The following PPP2R2D variants were observed in gnomAD, a reference collection of about 807,000 sequenced individuals.
PPP2R2D encodes serine/threonine-protein phosphatase 2A 55 kDa regulatory subunit B delta isoform.
A neutral mutation model predicts 31.1 loss-of-function variants in PPP2R2D; 9 were observed. That is an observed-to-expected ratio of 0.29 (90% CI 0.17 to 0.51). The LOEUF is 0.51. Ranked by LOEUF, PPP2R2D falls within the 20% of genes least tolerant of loss-of-function variation. The probability of loss-of-function intolerance (pLI) is 0.98; values close to 1 mark genes in which losing one functional copy is unlikely to be tolerated. For synonymous variants in PPP2R2D, 179 were observed against 172.6 expected, an observed-to-expected ratio of 1.04 and a Z score of -0.29; for missense variants, 391 against 465.6, an observed-to-expected ratio of 0.84 and a Z score of 1.48.
At chr10:131,930,055 G>A (rs543701190) in intron 2 of PPP2R2D, among the ~76,000 whole-genome samples, 1 of 152,310 alleles carries the variant, frequency 6.6e-6, no homozygotes, top group East Asian at 1.9e-4. Context: ...CACAAAAAAA[G>A]AGGTTGAAAG....
At chr10:131,933,066 G>A in intron 2 of PPP2R2D, among the ~76,000 whole-genome samples, 1 of 152,138 alleles carries the variant, frequency 6.6e-6, no homozygotes, top group African/African-American at 2.4e-5. Context: ...TTTCATTTAA[G>A]CAAGTTAGGT....
At position 131,917,400 on chromosome 10, in the gene PPP2R2D, G is replaced by A. The variant is rs547900586; in HGVS notation, c.100+16070G>A. 5.2e-5 allele frequency among the ~76,000 whole-genome samples: 7 copies of A among 134,444 alleles called. 1 individual carries two copies. The South Asian group carries it at 1.6e-3, about 32-fold the overall frequency. 88.2% of individuals were successfully genotyped at this position (134,444 alleles called of 152,430 possible). ...TGACACAGTGTAGGGACCTCAGTCGGGTGGAATGACAGTGTTTGTAGGGAC... is the reference window on the plus strand; with the variant it reads ...TGACACAGTGTAGGGACCTCAGTCGAGTGGAATGACAGTGTTTGTAGGGAC... On this transcript the variant is annotated intron_variant, in intron 2 of 8. Transcript: ENST00000455566.
At chr10:131,915,544 C>T (rs1464317176) in intron 2 of PPP2R2D, among the ~76,000 whole-genome samples, 1 of 152,246 alleles carries the variant, frequency 6.6e-6, no homozygotes, top group African/African-American at 2.4e-5. Context: ...CTCCCCAACT[C>T]CGTTGCCCGC....
chr10:131,928,374 G>C (rs1045135102), intron 2 of PPP2R2D, among the ~76,000 whole-genome samples: 1 of 152,224 alleles, frequency 6.6e-6, no homozygotes, highest in Admixed American at 6.5e-5. Flanking sequence ...ACCCACTCCA[G>C]AACTAGCCGA....
chr10:131,919,794 G>A (rs2035929859), intron 2 of PPP2R2D, among the ~76,000 whole-genome samples: 1 of 141,042 alleles, frequency 7.1e-6, no homozygotes, highest in Admixed American at 7.0e-5. Context: ...GAATGACACA[G>A]TGTAGGGACC....
intron 5 of PPP2R2D, among the ~76,000 whole-genome samples, chr10:131,941,979 C>T (rs1358462960): frequency 1.3e-5 from 2 of 152,296 alleles, no homozygotes; most frequent in East Asian, 1.9e-4. Context: ...ACAGTGCTGC[C>T]GCCTTTGCAC....
At chr10:131,925,451 T>G (rs1426409736) in intron 2 of PPP2R2D, among the ~76,000 whole-genome samples, 1 of 152,228 alleles carries the variant, frequency 6.6e-6, no homozygotes, top group Non-Finnish European at 1.5e-5. Flanking sequence ...TTACATTGAT[T>G]TGTTTTTGTA....
At chr10:131,931,570 A>C (rs920739516) in intron 2 of PPP2R2D, among the ~76,000 whole-genome samples, 2 of 151,976 alleles carry the variant, frequency 1.3e-5, no homozygotes, top group Non-Finnish European at 2.9e-5. Context: ...CTGGTCTCGA[A>C]CTCCTGACCT....
intron 3 of PPP2R2D, chr10:131,939,802 A>G (rs917192735): frequency 6.6e-6 from 2 of 302,072 alleles, no homozygotes; most frequent in African/African-American, 2.2e-5. Flanking sequence ...GCAAGGCTGC[A>G]TTCGGCAGAC....
At chr10:131,908,831 C>T (rs2035639855) in intron 2 of PPP2R2D, among the ~76,000 whole-genome samples, 1 of 152,160 alleles carries the variant, frequency 6.6e-6, no homozygotes, top group African/African-American at 2.4e-5. Context: ...TTCAGGGAGC[C>T]AGTTTAAGAA....
At chr10:131,916,037 G>A (rs1432145464) in intron 2 of PPP2R2D, among the ~76,000 whole-genome samples, 2 of 152,160 alleles carry the variant, frequency 1.3e-5, no homozygotes, top group African/African-American at 2.4e-5. Context: ...TTCTGTGTAC[G>A]CCCTAAAGTA....
chr10:131,967,432 C>T, the PPP2R2D span: 2 of 152,242 alleles, frequency 1.3e-5, no homozygotes, highest in African/African-American at 4.8e-5. Flanking sequence ...ATTCTGATGT[C>T]ATGCCATCCA....
intron 3 of PPP2R2D, among the ~76,000 whole-genome samples, chr10:131,939,059 A>G (rs1048329999): frequency 5.9e-5 from 9 of 152,238 alleles, no homozygotes; most frequent in African/African-American, 2.2e-4. Context: ...TTCCACTAAC[A>G]CTTGCCTTAA....
intron 2 of PPP2R2D, among the ~76,000 whole-genome samples, chr10:131,909,713 G>C (rs1302815190): frequency 1.3e-5 from 2 of 152,162 alleles, no homozygotes; most frequent in Non-Finnish European, 2.9e-5. Context: ...AAAGTCTTTT[G>C]GTGCTGGAAT....
At chr10:131,951,378 C>A (rs1412816088) in intron 8 of PPP2R2D, among the ~76,000 whole-genome samples, 2 of 152,216 alleles carry the variant, frequency 1.3e-5, no homozygotes, top group Non-Finnish European at 2.9e-5. Context: ...ATAACATATA[C>A]TGAAAAGCAG....
chr10:131,918,052 G>T (rs1466742568), intron 2 of PPP2R2D, among the ~76,000 whole-genome samples: 1 of 100,852 alleles, frequency 9.9e-6, no homozygotes, highest in African/African-American at 3.9e-5. Context: ...GGATGACACA[G>T]TGTTTGTAGG....
chr10:131,960,059 C>T (rs781946411), downstream of PPP2R2D, among the ~76,000 whole-genome samples: 6 of 152,194 alleles, frequency 3.9e-5, no homozygotes, highest in East Asian at 3.9e-4. Context: ...GGGGCGCCTG[C>T]GGGGGAAGCC....
At chr10:131,929,464 G>C (rs2036170358) in intron 2 of PPP2R2D, among the ~76,000 whole-genome samples, 2 of 152,270 alleles carry the variant, frequency 1.3e-5, no homozygotes, top group East Asian at 1.9e-4. Flanking sequence ...CTGGCCTCAG[G>C]TGTGAAGTGG....
At chr10:131,932,650 A>AAAAAAAAAAAC (rs2036259244) in intron 2 of PPP2R2D, among the ~76,000 whole-genome samples, 1 of 143,826 alleles carries the variant, frequency 7.0e-6, no homozygotes, top group Admixed American at 6.8e-5. Context: ...CTGTCTCAAA[A>AAAAAAAAAAAC]AAAAAAAAAA....
Sources: allele counts gnomAD v4.1 joint callset (sites outside exome capture counted in the v4.1 genomes callset), GRCh38; gene constraint gnomAD v4.1.1; transcripts MANE v1.5; gene names NCBI Gene and HGNC (gene_info 2026-07-23, HGNC 2026-07-21).